PEAK1: variants seen among roughly 807,000 people sequenced by gnomAD.
PEAK1 encodes pseudopodium enriched atypical kinase 1.
In PEAK1, 54 loss-of-function variants were observed where a neutral mutation model predicts 124.7. The observed-to-expected ratio is 0.43, with a 90% confidence interval of 0.35 to 0.54. PEAK1 has a LOEUF of 0.54. PEAK1 is among the 20% of genes least tolerant of loss of function. The probability of loss-of-function intolerance (pLI) is 0.01; values close to 1 mark genes in which losing one functional copy is unlikely to be tolerated. For synonymous variants in PEAK1, 719 were observed against 760.0 expected, an observed-to-expected ratio of 0.95 and a Z score of 0.89; for missense variants, 2,046 against 2,134.5, an observed-to-expected ratio of 0.96 and a Z score of 0.82.
intron 1 of PEAK1, among the ~76,000 whole-genome samples, chr15:77,390,588 T>C (rs2070372014): frequency 6.6e-6 from 1 of 152,186 alleles, no homozygotes; most frequent in Non-Finnish European, 1.5e-5. Flanking sequence ...AGAATGAAAA[T>C]GAGTAAAAGA....
intron 6 of PEAK1, among the ~76,000 whole-genome samples, chr15:77,205,522 T>C (rs933756031): frequency 5.9e-5 from 9 of 152,220 alleles, no homozygotes; most frequent in Non-Finnish European, 1.3e-4. Context: ...TGTTGTTTTA[T>C]AGCAGAATTG....
Position 77,112,683 on chromosome 15 carries a change from AC to A in PEAK1, c.*1472del, listed in dbSNP as rs2051052220. On this transcript the variant is annotated 3_prime_UTR_variant, in exon 10 of 10. Transcript: ENST00000682557. ...CATACACACACACACACACACACAC[AC>A]ACACACACACACACACACACAACCC... 6.6e-6 allele frequency: 1 copy of A among 151,804 alleles called. No individual in the cohort carries two copies. The highest frequency in any genetic ancestry group is 2.4e-5 in the African/African-American group (1 of 41,296). 9.4% of individuals were successfully genotyped at this position (151,804 alleles called of 1,614,324 possible).
chr15:77,368,908 T>C (rs1597467384), intron 1 of PEAK1, among the ~76,000 whole-genome samples: 1 of 152,278 alleles, frequency 6.6e-6, no homozygotes, highest in East Asian at 1.9e-4. Flanking sequence ...AGAACATATA[T>C]AGAAGAATCT....
Position 77,367,119 on chromosome 15 carries a change from C to T in PEAK1, c.-665-1894G>A, listed in dbSNP as rs900760303. Among the ~76,000 whole-genome samples, 6 of 152,128 alleles carry T rather than the reference C, an allele frequency of 3.9e-5. No individual in the cohort carries two copies. The East Asian group carries it at 5.8e-4, about 15-fold the overall frequency. On this transcript the variant is annotated intron_variant, in intron 1 of 9. Transcript: ENST00000682557. Reference sequence around the variant, plus strand: ...ACTGTACTCCAGCCTGGCGACCGGGCGAGACTCCATCTCAAAAAAGAGCTA... The same window carrying T: ...ACTGTACTCCAGCCTGGCGACCGGGTGAGACTCCATCTCAAAAAAGAGCTA...
chr15:77,205,280 A>ATTTT (rs1567112480), intron 6 of PEAK1, among the ~76,000 whole-genome samples: 23 of 151,450 alleles, frequency 1.5e-4, no homozygotes, highest in African/African-American at 4.8e-4. Context: ...TTTTTTAAAA[A>ATTTT]AAAAAAAAAA....
At chr15:77,397,426 C>T (rs1301450944) in intron 1 of PEAK1, among the ~76,000 whole-genome samples, 2 of 150,554 alleles carry the variant, frequency 1.3e-5, no homozygotes, top group Non-Finnish European at 3.0e-5. Flanking sequence ...CAAACCAAAC[C>T]CAAAATTAGT....
intron 2 of PEAK1, chr15:77,335,023 G>A (rs1218271334): frequency 1.0e-6 from 1 of 985,278 alleles, no homozygotes; most frequent in Non-Finnish European, 1.2e-6. Context: ...TGGTAGCTGG[G>A]AACTTAGTGA....
At chr15:77,211,041 T>C (rs188163239) in intron 6 of PEAK1, among the ~76,000 whole-genome samples, 13 of 152,328 alleles carry the variant, frequency 8.5e-5, no homozygotes, top group Admixed American at 8.5e-4. Context: ...CTATGTCCCA[T>C]GGGTAAAATC....
intron 2 of PEAK1, chr15:77,332,092 C>T (rs2065922031): frequency 1.4e-6 from 1 of 713,212 alleles, no homozygotes; most frequent in Non-Finnish European, 1.7e-6. Context: ...CCACTGCATT[C>T]CAGCCTGGGT....
intron 5 of PEAK1, among the ~76,000 whole-genome samples, chr15:77,272,003 G>T (rs1048093991): frequency 1.3e-5 from 2 of 152,132 alleles, no homozygotes; most frequent in Non-Finnish European, 2.9e-5. Context: ...TAAACAACAT[G>T]TTCCTGAATG....
At chr15:77,171,081 T>G (rs1165584265) in intron 7 of PEAK1, among the ~76,000 whole-genome samples, 1 of 152,114 alleles carries the variant, frequency 6.6e-6, no homozygotes, top group Non-Finnish European at 1.5e-5. Flanking sequence ...TTTTCAATAT[T>G]AGTGCCAGAA....
chr15:77,195,026 AT>A (rs2152838022), intron 6 of PEAK1, among the ~76,000 whole-genome samples: 1 of 152,278 alleles, frequency 6.6e-6, no homozygotes, highest in African/African-American at 2.4e-5. Context: ...TGTGAAATGT[AT>A]TTTGGAAAGA....
At chr15:77,314,464 G>C (rs2064745301) in intron 2 of PEAK1, among the ~76,000 whole-genome samples, 1 of 151,970 alleles carries the variant, frequency 6.6e-6, no homozygotes, top group African/African-American at 2.4e-5. Context: ...TGCCTCCCCG[G>C]GTTCAAGCGA....
chr15:77,231,290 A>T (rs886858574), intron 6 of PEAK1, among the ~76,000 whole-genome samples: 8 of 152,208 alleles, frequency 5.3e-5, no homozygotes, highest in African/African-American at 1.7e-4. Context: ...TAATTTCATG[A>T]TGTTTCTTCA....
chr15:77,405,135 A>G (rs1046668647), intron 1 of PEAK1, among the ~76,000 whole-genome samples: 2 of 151,756 alleles, frequency 1.3e-5, no homozygotes, highest in African/African-American at 4.8e-5. Context: ...CCTCCTAGGT[A>G]GCTGGGACTA....
At chr15:77,202,293 T>TA (rs1257132333) in intron 6 of PEAK1, among the ~76,000 whole-genome samples, 3 of 152,280 alleles carry the variant, frequency 2.0e-5, no homozygotes, top group South Asian at 2.1e-4. Context: ...CCTCATGTGA[T>TA]AAAAAATCTG....
At chr15:77,391,152 T>C (rs1051725466) in intron 1 of PEAK1, among the ~76,000 whole-genome samples, 6 of 152,086 alleles carry the variant, frequency 3.9e-5, no homozygotes. Context: ...ATGATACTGG[T>C]TGAGGCAGCC....
rs771171434 is a variant in PEAK1 at position 77,179,768 on chromosome 15, G to T, written c.2159C>A (p.Pro720Gln). Residue 720 changes from proline to glutamine, a missense_variant, in exon 7 of 10, where the codon CCA becomes CAA. Pro to Gln is a moderately conservative substitution (Grantham distance 76, BLOSUM62 -1). Coordinates refer to ENST00000682557, the MANE Select transcript of PEAK1 (RefSeq NM_001385026.1). The part of the protein sequence containing the change: ...NNCLNRGQSS[P>Q]QRSYSSSHSS... ...GTGGCTGGAACTATAGCTTCTCTGT[G>T]GTGAAGACTGACCTCTGTTGAGACA... 1 of 1,614,094 alleles carries T rather than the reference G, an allele frequency of 6.2e-7. No individual in the cohort carries two copies. The highest frequency in any genetic ancestry group is 1.3e-5 in the African/African-American group (1 of 75,022).
chr15:77,270,414 A>AG (rs1332552250), intron 5 of PEAK1, among the ~76,000 whole-genome samples: 1 of 152,228 alleles, frequency 6.6e-6, no homozygotes, highest in East Asian at 1.9e-4. Flanking sequence ...TTAAGCTGAT[A>AG]GCAACTTCAG....
Sources: allele counts gnomAD v4.1 joint callset (sites outside exome capture counted in the v4.1 genomes callset), GRCh38; gene constraint gnomAD v4.1.1; transcripts MANE v1.5; gene names NCBI Gene and HGNC (gene_info 2026-07-23, HGNC 2026-07-21).